FOXP4: variants seen among roughly 807,000 people sequenced by gnomAD.
FOXP4 encodes the protein forkhead box protein P4.
In FOXP4, 25 loss-of-function variants were observed where a neutral mutation model predicts 82.6. That is an observed-to-expected ratio of 0.30 (90% confidence interval 0.22 to 0.42). The LOEUF is 0.42. Among genes scored for constraint, FOXP4 ranks in the 10% least tolerant of loss-of-function variants. The pLI is 1.00. For missense variants in FOXP4, 785 were observed against 900.9 expected (o/e 0.87, Z 1.65); for synonymous variants, 415 against 388.2 (o/e 1.07, Z -0.81).
rs752119064 is a variant in FOXP4, at chr6:41,590,278, C to T, written c.1365C>T (p.Ala455=). The change falls in exon 12 of 17, where the codon GCC becomes GCT. Residue 455 remains alanine (A), a synonymous_variant. Transcript: ENST00000307972. ...CTCTGCCTGTCTCCCCAGAGCTGGC[C>T]CAGAATCATGAGTTCTACAAGAACG... is the stretch of plus-strand genomic sequence containing the variant. ...KFCSPISSEL[A]QNHEFYKNAD... is the part of the protein sequence containing the mutation. 1.9e-6 allele frequency: 3 copies of T among 1,613,930 alleles called. No individual in the cohort carries two copies. The highest frequency in any genetic ancestry group is 2.5e-6 in the Non-Finnish European group (3 of 1,179,998).
At chr6:41,579,692 G>A (rs941917964) in intron 3 of FOXP4, among the ~76,000 whole-genome samples, 3 of 152,168 alleles carry the variant, frequency 2.0e-5, no homozygotes, top group Non-Finnish European at 4.4e-5. Context: ...GAGGCCTAGA[G>A]GTTTCAGAGT....
intron 12 of FOXP4, among the ~76,000 whole-genome samples, chr6:41,590,714 T>C (rs1188911486): frequency 6.6e-6 from 1 of 152,296 alleles, no homozygotes; most frequent in South Asian, 2.1e-4. Flanking sequence ...AATGTTCACA[T>C]AGTATTCACA....
chr6:41,575,934 T>G (rs2127371165), intron 2 of FOXP4, among the ~76,000 whole-genome samples: 1 of 152,038 alleles, frequency 6.6e-6, no homozygotes, highest in East Asian at 1.9e-4. Flanking sequence ...TACCTCCACC[T>G]TTGGAGGACA....
At position 41,591,476 on chromosome 6, in the gene FOXP4, C is replaced by T. The variant is rs146338765; in HGVS notation, c.1536+154C>T. Among the ~76,000 whole-genome samples, 60 of 152,320 alleles carry T rather than the reference C, an allele frequency of 3.9e-4. 2 individuals are homozygous for T. In the Middle Eastern group the frequency reaches 0.01, roughly 26 times the overall value. On this transcript the variant is annotated intron_variant, in intron 13 of 16. Transcript: ENST00000307972. This position sits in a 1 kb window ranked among gnomAD's most constrained non-coding sequence, Gnocchi z 4.2. ...CCAGCCAGGGCTGCATGCCCACGCCCACCTCAGCAGGGGCTGTGGATTGTT... is the reference window on the plus strand; with the variant it reads ...CCAGCCAGGGCTGCATGCCCACGCCTACCTCAGCAGGGGCTGTGGATTGTT...
Position 41,587,468 on chromosome 6 carries a change from C to A in FOXP4, c.828C>A (p.Thr276=). The change falls in exon 7 of 17, where the codon ACC becomes ACA. Residue 276 remains threonine (T), a synonymous_variant. Coordinates refer to ENST00000307972, the MANE Select transcript of FOXP4 (RefSeq NM_001012426.2). The stretch of plus-strand genomic sequence containing the variant: ...TCTCACCCCCCCTCTCCCACCATAC[C>A]CTGCCCAACGGACAGCCTACTGTGC... ...PKVSPPLSHH[T]LPNGQPTVLT... 1 of 1,545,360 alleles carries A rather than the reference C, an allele frequency of 6.5e-7. No individual in the cohort carries two copies. The highest frequency in any genetic ancestry group is 8.7e-7 in the Non-Finnish European group (1 of 1,146,188).
Position 41,587,033 on chromosome 6 carries a change from T to C in FOXP4, c.535T>C (p.Phe179Leu). Residue 179 changes from phenylalanine to leucine, a missense_variant, in exon 6 of 17, where the codon TTC becomes CTC. Phe to Leu is a conservative substitution (Grantham distance 22). Coordinates refer to ENST00000307972, the MANE Select transcript of FOXP4 (RefSeq NM_001012426.2). ...KEALGNKQLA[F>L]QQQLLQMQQL... Reference sequence around the variant, plus strand: ...GGCACTGGGGAACAAGCAGCTGGCCTTCCAGCAGCAGCTCCTGCAAATGCA... The same window carrying C: ...GGCACTGGGGAACAAGCAGCTGGCCCTCCAGCAGCAGCTCCTGCAAATGCA... 2.5e-6 allele frequency: 4 copies of C among 1,598,594 alleles called. No individual in the cohort carries two copies. The highest frequency in any genetic ancestry group is 3.4e-6 in the Non-Finnish European group (4 of 1,168,968).
chr6:41,553,664 T>C (rs1044803563), intron 1 of FOXP4, among the ~76,000 whole-genome samples: 1 of 152,164 alleles, frequency 6.6e-6, no homozygotes, highest in Non-Finnish European at 1.5e-5. Flanking sequence ...TCCAGGGGCT[T>C]CTGGTGAGAA....
intron 1 of FOXP4, among the ~76,000 whole-genome samples, chr6:41,548,864 C>T (rs2127298320): frequency 6.8e-6 from 1 of 147,008 alleles, no homozygotes; most frequent in Non-Finnish European, 1.5e-5. Context: ...GAAACTTTTG[C>T]CTCGGGGTTT....
At chr6:41,585,787 G>T (rs985602594) in intron 5 of FOXP4, among the ~76,000 whole-genome samples, 1 of 151,586 alleles carries the variant, frequency 6.6e-6, no homozygotes, top group Non-Finnish European at 1.5e-5. Flanking sequence ...TGTCACCCCC[G>T]TGTGTGGTGT....
intron 2 of FOXP4, among the ~76,000 whole-genome samples, chr6:41,567,981 G>C (rs1451239043): frequency 6.6e-6 from 1 of 152,204 alleles, no homozygotes; most frequent in Admixed American, 6.5e-5. Flanking sequence ...AAAAGGTTTT[G>C]TTGGCTCCAA....
chr6:41,553,153 T>C (rs4714480), intron 1 of FOXP4, among the ~76,000 whole-genome samples: 52,335 of 151,944 alleles, frequency 0.34, 9,509 homozygotes, highest in African/African-American at 0.46. Flanking sequence ...GAGGACACTA[T>C]GACCCATGCA....
At chr6:41,565,339 A>C (rs1764812246) in intron 1 of FOXP4, among the ~76,000 whole-genome samples, 3 of 152,194 alleles carry the variant, frequency 2.0e-5, no homozygotes, top group Admixed American at 2.0e-4. Context: ...TAGCCTGGGC[A>C]ATAGAGCGAG....
chr6:41,598,643 A>C, intron 16 of FOXP4, 146 bp from the exon 17 acceptor site: 1 of 1,128,362 alleles, frequency 8.9e-7, no homozygotes, highest in Middle Eastern at 3.0e-4. Flanking sequence ...GCCCTAGGGG[A>C]GATCAGCCCT....
At chr6:41,598,481 A>T (rs1767008029) in intron 16 of FOXP4, among the ~76,000 whole-genome samples, 1 of 151,978 alleles carries the variant, frequency 6.6e-6, no homozygotes, top group Admixed American at 6.6e-5. Context: ...CCCTCCCAAA[A>T]TGCTGGGATT....
chr6:41,584,568 C>T (rs1581763997), intron 3 of FOXP4, among the ~76,000 whole-genome samples: 1 of 152,184 alleles, frequency 6.6e-6, no homozygotes, highest in Non-Finnish European at 1.5e-5. Flanking sequence ...TCACTGTTTT[C>T]GTTTTAGAGA....
chr6:41,569,916 TGGG>T (rs1765093100), intron 2 of FOXP4, among the ~76,000 whole-genome samples: 2 of 150,316 alleles, frequency 1.3e-5, no homozygotes, highest in Admixed American at 1.3e-4. Flanking sequence ...TTCAAAGAGA[TGGG>T]GGGAATGTCA....
chr6:41,571,355 G>T (rs1224869658), intron 2 of FOXP4, among the ~76,000 whole-genome samples: 1 of 152,272 alleles, frequency 6.6e-6, no homozygotes, highest in Non-Finnish European at 1.5e-5. Context: ...GAGAGCAGTG[G>T]TTCAGGGAAT....
intron 1 of FOXP4, among the ~76,000 whole-genome samples, chr6:41,553,098 C>A (rs568138318): frequency 6.6e-6 from 1 of 152,286 alleles, no homozygotes; most frequent in East Asian, 1.9e-4. Flanking sequence ...CGGGAGCCTA[C>A]TTCCATGGGT....
chr6:41,548,829 T>A (rs865778738), intron 1 of FOXP4, among the ~76,000 whole-genome samples: 1,968 of 88,952 alleles, frequency 0.022, 32 homozygotes, highest in South Asian at 0.1. Context: ...AAGGCCTTTT[T>A]TTTTTTTTTT....
Sources: allele counts gnomAD v4.1 joint callset (sites outside exome capture counted in the v4.1 genomes callset), GRCh38; gene constraint gnomAD v4.1.1; non-coding constraint Gnocchi (gnomAD v3.1); transcripts MANE v1.5; gene names NCBI Gene and HGNC (gene_info 2026-07-23, HGNC 2026-07-21).